ZNF280D: variants seen among roughly 807,000 people sequenced by gnomAD.
ZNF280D encodes the protein suppressor of hairy wing homolog 4.
Under a neutral mutation model 94.7 loss-of-function variants are expected in ZNF280D, and 39 were observed. That is an observed-to-expected ratio of 0.41 (90% CI 0.32 to 0.54). The LOEUF is 0.54. Among genes scored for constraint, ZNF280D ranks in the 20% least tolerant of loss-of-function variants. The pLI, the probability that ZNF280D is intolerant of heterozygous loss-of-function variation, is 0.22. For synonymous variants in ZNF280D, 398 were observed against 377.6 expected, an observed-to-expected ratio of 1.05 and a Z score of -0.63; for missense variants, 1,090 against 1,149.3, an observed-to-expected ratio of 0.95 and a Z score of 0.75.
intron 14 of ZNF280D, among the ~76,000 whole-genome samples, chr15:56,667,454 T>C (rs1596413928): frequency 6.6e-6 from 1 of 152,156 alleles, no homozygotes; most frequent in East Asian, 1.9e-4. Flanking sequence ...GTGCCCAAGA[T>C]TTATGCTTAC....
intron 13 of ZNF280D, among the ~76,000 whole-genome samples, chr15:56,672,519 G>A (rs1245703547): frequency 1.3e-5 from 2 of 151,984 alleles, no homozygotes; most frequent in South Asian, 2.1e-4. Flanking sequence ...TCCAACCTAG[G>A]GATAAAGCCT....
Position 56,733,464 on chromosome 15 carries a change from C to T in ZNF280D, c.-92G>A. The T allele has an allele frequency of 5.5e-6, 6 of 1,082,092 alleles. No individual in the cohort carries two copies. Among genetic ancestry groups the T allele is most frequent in the East Asian group, 1.0e-4 (1 of 9,766 alleles). The allele number at this position is 1,082,092 out of a possible 1,614,324, so 67.0% of individuals were successfully genotyped here. On this transcript the variant is annotated 5_prime_UTR_variant, in exon 1 of 22. Transcript: ENST00000267807. ...GGGGCGGGGGGGCGCTTACCGTGAGCGGAGCGGATCGGCCTGACTGGAGCC... is the reference window on the plus strand; with the variant it reads ...GGGGCGGGGGGGCGCTTACCGTGAGTGGAGCGGATCGGCCTGACTGGAGCC...
chr15:56,675,117 A>G (rs573454547), intron 13 of ZNF280D, among the ~76,000 whole-genome samples: 101 of 152,112 alleles, frequency 6.6e-4, no homozygotes, highest in African/African-American at 1.9e-3. Context: ...TCCAAACAAA[A>G]AAGAAAATTG....
At chr15:56,691,553 T>G (rs996631082) in intron 7 of ZNF280D, among the ~76,000 whole-genome samples, 2 of 152,140 alleles carry the variant, frequency 1.3e-5, no homozygotes, top group African/African-American at 4.8e-5. Context: ...TTTAACTTAT[T>G]TCTCTGCTGT....
intron 20 of ZNF280D, 135 bp downstream of exon 20, chr15:56,642,817 C>A (rs1236945663): frequency 1.0e-5 from 5 of 498,960 alleles, no homozygotes; most frequent in African/African-American, 8.1e-5. Context: ...TTTTAAATCT[C>A]GATTTTTTTT....
At chr15:56,707,026 G>C (rs2057446876) in intron 3 of ZNF280D, 56 bp downstream of exon 3, 2 of 1,546,198 alleles carry the variant, frequency 1.3e-6, no homozygotes, top group Non-Finnish European at 1.8e-6. Context: ...TTTCTCCTGA[G>C]GTAAAGTGAT....
At chr15:56,649,224 A>G (rs1015062321) in intron 19 of ZNF280D, among the ~76,000 whole-genome samples, 1 of 152,122 alleles carries the variant, frequency 6.6e-6, no homozygotes, top group Non-Finnish European at 1.5e-5. Flanking sequence ...TTTATAATCT[A>G]TAAGCAACAA....
In ZNF280D at chr15:56,730,336, G is replaced by A. The variant is rs540270327; in HGVS notation, c.-86+3122C>T. The A allele has an allele frequency of 7.9e-5, 12 of 152,194 alleles. No individual in the cohort carries two copies. The South Asian group carries it at 1.0e-3, about 13-fold the overall frequency. 9.4% of individuals were successfully genotyped at this position (152,194 alleles called of 1,614,324 possible). On this transcript the variant is annotated intron_variant, in intron 1 of 21. Transcript: ENST00000267807. ...TATATATTTAATTAGTGAATATGTC[G>A]TAAGTATTCCTCATCTTCCAAAACT...
In ZNF280D at chr15:56,632,052, T is replaced by C. The variant is rs761996158; in HGVS notation, c.2386A>G (p.Thr796Ala). Residue 796 changes from threonine to alanine, a missense_variant, in exon 22 of 22, where the codon ACA (threonine) becomes GCA (alanine). Coordinates refer to ENST00000267807, the MANE Select transcript of ZNF280D (RefSeq NM_017661.4). Reference sequence around the variant, plus strand: ...GTTATGCTTTCTTCACTTTTTGTTGTTGATGAGCCTTCAAATGAATTTGCA... The same window carrying C: ...GTTATGCTTTCTTCACTTTTTGTTGCTGATGAGCCTTCAAATGAATTTGCA... ...CNANSFEGSS[T>A]TKSEESITVS... is the part of the protein sequence containing the mutation. 6.2e-7 allele frequency: 1 copy of C among 1,610,946 alleles called. No homozygotes were observed. The highest frequency in any genetic ancestry group is 1.1e-5 in the South Asian group (1 of 90,262).
At chr15:56,638,112 C>A (rs1398733143) in intron 20 of ZNF280D, among the ~76,000 whole-genome samples, 1 of 152,066 alleles carries the variant, frequency 6.6e-6, no homozygotes, top group Non-Finnish European at 1.5e-5. Flanking sequence ...GTGAGCCTGT[C>A]ATATCAAGGA....
intron 13 of ZNF280D, among the ~76,000 whole-genome samples, chr15:56,672,968 T>C (rs2054969239): frequency 6.6e-6 from 1 of 151,872 alleles, no homozygotes; most frequent in Non-Finnish European, 1.5e-5. Context: ...GTGTGATACA[T>C]TGGATTACAT....
intron 6 of ZNF280D, chr15:56,699,700 A>G (rs2056945597): frequency 2.1e-6 from 1 of 471,290 alleles, no homozygotes; most frequent in Non-Finnish European, 2.8e-6. Context: ...TTACCTCACA[A>G]TTCAATCACA....
At position 56,682,453 on chromosome 15, in the gene ZNF280D, T is replaced by C. The variant is rs759159573; in HGVS notation, c.805A>G (p.Asn269Asp). 5.2e-6 allele frequency: 8 copies of C among 1,539,848 alleles called. No homozygotes were observed. The South Asian group carries it at 6.3e-5, about 12-fold the overall frequency. Reference protein sequence around the residue: ...MKYCCPDMINNFLGLAKTEFS... With the variant: ...MKYCCPDMINDFLGLAKTEFS... ...TCTGTTTTAGCCAGTCCCAAAAAGTTATTTATCATGTCTGGACAACAATAC... is the reference window on the plus strand; with the variant it reads ...TCTGTTTTAGCCAGTCCCAAAAAGTCATTTATCATGTCTGGACAACAATAC... The change falls in exon 10 of 22, where the codon AAC becomes GAC. Residue 269 changes from asparagine to aspartate, a missense_variant. By Grantham distance (23) the Asn-to-Asp change is conservative. This residue lies in a region of ZNF280D where 386 missense variants were observed against 372.0 expected (regional missense o/e 1.04). Transcript: ENST00000267807.
chr15:56,654,953 T>A, intron 17 of ZNF280D: 2 of 271,262 alleles, frequency 7.4e-6, no homozygotes, highest in Middle Eastern at 4.2e-4. Flanking sequence ...AATAGTACTG[T>A]CTATGCTCGA....
chr15:56,666,883 T>C lies in ZNF280D; in HGVS notation c.1649A>G (p.Lys550Arg), dbSNP rs767171289. The change falls in exon 15 of 22, where the codon AAA becomes AGA. Residue 550 changes from lysine to arginine, a missense_variant. Transcript: ENST00000267807. ...TGCAGGATTTTTAGCAGTTATATTTTTAGTCCTTGGAGGTGAGAGCTGAAG... is the reference window on the plus strand; with the variant it reads ...TGCAGGATTTTTAGCAGTTATATTTCTAGTCCTTGGAGGTGAGAGCTGAAG... ...STLQLSPPRT[K>R]NITAKNPAKS... 3.7e-6 allele frequency: 6 copies of C among 1,613,924 alleles called. No individual in the cohort carries two copies. Among genetic ancestry groups the C allele is most frequent in the Non-Finnish European group, 4.2e-6 (5 of 1,179,904 alleles).
At chr15:56,676,148 G>C (rs548913491) in intron 13 of ZNF280D, among the ~76,000 whole-genome samples, 2 of 152,184 alleles carry the variant, frequency 1.3e-5, no homozygotes, top group East Asian at 3.9e-4. Flanking sequence ...ATCAGTAAGT[G>C]TCATTACTAT....
rs1358965588 is a variant in ZNF280D, at chr15:56,707,259, T to G, written c.-42+4A>C. ...TTGGATGTAAGGTTAACCTCTAAAC[T>G]CACCATGTGACTCCAGACAAGCCAG... On this transcript the variant is annotated splice_donor_region_variant and intron_variant, in intron 2 of 21. Coordinates refer to ENST00000267807, the MANE Select transcript of ZNF280D (RefSeq NM_017661.4). 1.9e-6 allele frequency: 3 copies of G among 1,548,642 alleles called. No homozygotes were observed. In the African/African-American group the frequency reaches 4.1e-5, roughly 21 times the overall value.
chr15:56,655,201 G>T (rs1344850995), intron 17 of ZNF280D, among the ~76,000 whole-genome samples: 1 of 152,172 alleles, frequency 6.6e-6, no homozygotes, highest in African/African-American at 2.4e-5. Context: ...GCAAACTTGA[G>T]TTCCTCATCA....
chr15:56,669,931 ATATAT>A (rs1452754871), intron 13 of ZNF280D, among the ~76,000 whole-genome samples: 1 of 9,844 alleles, frequency 1.0e-4, no homozygotes, highest in African/African-American at 4.0e-4. Flanking sequence ...TATATTATAT[ATATAT>A]TATATATATA....
Sources: allele counts gnomAD v4.1 joint callset (sites outside exome capture counted in the v4.1 genomes callset), GRCh38; gene constraint gnomAD v4.1.1; regional missense constraint gnomAD v4.1.1; transcripts MANE v1.5; gene names NCBI Gene and HGNC (gene_info 2026-07-23, HGNC 2026-07-21).